Variants in MAD2L1 observed in about 807,000 individuals in gnomAD.
MAD2L1 encodes the protein mitotic arrest deficient 2 like 1.
A neutral mutation model predicts 25.9 loss-of-function variants in MAD2L1; 10 were observed. That is an observed-to-expected ratio of 0.39 (90% CI 0.24 to 0.66). MAD2L1 has a LOEUF of 0.66. MAD2L1 is among the 30% of genes least tolerant of loss of function. The pLI is 0.49. For synonymous variants in MAD2L1, 81 were observed against 91.8 expected (o/e 0.88, Z 0.67); for missense variants, 180 against 246.4 (o/e 0.73, Z 1.80).
intron 4 of MAD2L1, 41 bp downstream of exon 4, chr4:120,060,833 G>A (rs533798602): frequency 2.3e-6 from 3 of 1,303,106 alleles, no homozygotes; most frequent in Non-Finnish European, 3.3e-6. Flanking sequence ...TAGTCTTTTT[G>A]CCAATCAATT....
In MAD2L1 at chr4:120,056,211, T is replaced by C. The variant is rs1282692383; in HGVS notation, c.*3907A>G. 1.3e-5 allele frequency: 2 copies of C among 152,098 alleles called. No individual in the cohort carries two copies. The highest frequency in any genetic ancestry group is 1.5e-5 in the Non-Finnish European group (1 of 68,016). The allele number at this position is 152,098 out of a possible 1,614,324, so 9.4% of individuals were successfully genotyped here. On this transcript the variant is annotated 3_prime_UTR_variant, in exon 5 of 5. Transcript: ENST00000296509. ...CTAAACTTCAAAAACCACGACACAA[T>C]TTGCATGCCCATTGACCCCCAGTTT... is the stretch of plus-strand genomic sequence containing the variant.
chr4:120,065,445 A>G (rs1578461323), intron 2 of MAD2L1: 1 of 432,428 alleles, frequency 2.3e-6, no homozygotes, highest in African/African-American at 2.0e-5. Context: ...GTTGATGAAG[A>G]CTATTTTTTT....
rs1488563415 is a variant in MAD2L1 at position 120,060,121 on chromosome 4, G to A, written c.615C>T (p.Asp205=). The change falls in exon 5 of 5, where the codon GAC becomes GAT. Residue 205 remains aspartate, a synonymous_variant. Coordinates refer to ENST00000296509, the MANE Select transcript of MAD2L1 (RefSeq NM_002358.4). ...CATTATTTTCCTCATGTCATCCTCA[G>A]TCATTGACAGGAATTTTGTAGGCCA... is the stretch of plus-strand genomic sequence containing the variant. The part of the protein sequence containing the change: ...SMVAYKIPVN[D] 20 of 1,597,490 alleles carry A rather than the reference G, an allele frequency of 1.3e-5. No homozygotes were observed. Among genetic ancestry groups the A allele is most frequent in the Non-Finnish European group, 1.7e-5 (20 of 1,169,646 alleles).
intron 2 of MAD2L1, 34 bp from the exon 3 acceptor site, chr4:120,062,129 G>A (rs1279048629): frequency 7.5e-6 from 12 of 1,589,832 alleles, no homozygotes; most frequent in Non-Finnish European, 1.0e-5. Context: ...ATCTTTCTTG[G>A]TCCACTGCAT....
intron 1 of MAD2L1, 70 bp from the exon 2 acceptor site, chr4:120,065,888 G>C (rs961719081): frequency 1.3e-5 from 19 of 1,496,600 alleles, no homozygotes; most frequent in African/African-American, 8.3e-5. Context: ...AATATATTTA[G>C]ATGTTGCTAT....
At chr4:120,060,709 A>C (rs1030650792) in intron 4 of MAD2L1, among the ~76,000 whole-genome samples, 165 bp downstream of exon 4, 1 of 152,168 alleles carries the variant, frequency 6.6e-6, no homozygotes, top group Non-Finnish European at 1.5e-5. Flanking sequence ...CTCCCTGTGG[A>C]AAGGGAGACT....
In MAD2L1 at chr4:120,056,114, G is replaced by A. The variant is rs1358923074; in HGVS notation, c.*4004C>T. ...GAACTTCCTTGGCTAGGGATAGAAG[G>A]AAGAGATCACCTAAACTTCAAAAAC... On this transcript the variant is annotated 3_prime_UTR_variant, in exon 5 of 5. Transcript: ENST00000296509. The A allele has an allele frequency of 6.6e-6, 1 of 152,120 alleles. No individual in the cohort carries two copies. The highest frequency in any genetic ancestry group is 1.5e-5 in the Non-Finnish European group (1 of 68,006). The allele number at this position is 152,120 out of a possible 1,614,324, so 9.4% of individuals were successfully genotyped here.
At position 120,057,735 on chromosome 4, in the gene MAD2L1, A is replaced by C. The variant is rs1726134227; in HGVS notation, c.*2383T>G. 6.6e-6 allele frequency: 1 copy of C among 152,292 alleles called. No individual in the cohort carries two copies. The highest frequency in any genetic ancestry group is 1.5e-5 in the Non-Finnish European group (1 of 68,082). The allele number at this position is 152,292 out of a possible 1,614,324, so 9.4% of individuals were successfully genotyped here. A position where few individuals can be genotyped will look rare whatever the true frequency, so the allele number is the denominator to read the frequency against. On this transcript the variant is annotated 3_prime_UTR_variant, in exon 5 of 5. Transcript: ENST00000296509. The stretch of plus-strand genomic sequence containing the variant: ...ATTTAAACATCATCCTCCTGAGGTA[A>C]GCCTCAAGGTCTAGAAAGAGGATGG...
chr4:120,061,022 C>G, intron 3 of MAD2L1, 45 bp from the exon 4 acceptor site: 1 of 1,089,032 alleles, frequency 9.2e-7, no homozygotes, highest in Non-Finnish European at 1.4e-6. Flanking sequence ...CAGGTCTTAA[C>G]AAATTATTTC....
intron 3 of MAD2L1, 155 bp from the exon 4 acceptor site, chr4:120,061,132 T>C: frequency 1.8e-6 from 1 of 549,362 alleles, no homozygotes; most frequent in South Asian, 2.3e-5. Flanking sequence ...TGAGTGAAAG[T>C]ATCCTTCAGA....
chr4:120,064,464 G>C (rs57359658), intron 2 of MAD2L1, among the ~76,000 whole-genome samples: 9,345 of 152,202 alleles, frequency 0.061, 936 homozygotes, highest in African/African-American at 0.21. Flanking sequence ...ATAATACATG[G>C]AGGCATTTCT....
chr4:120,061,000 A>G, intron 3 of MAD2L1, 23 bp from the exon 4 acceptor site: 13 of 1,395,160 alleles, frequency 9.3e-6, no homozygotes, highest in Non-Finnish European at 1.2e-5. Flanking sequence ...AATCAAATCA[A>G]TTAATTCATT....
Position 120,060,004 on chromosome 4 carries a change from G to C in MAD2L1, c.*114C>G, listed in dbSNP as rs953060807. 5 of 950,382 alleles carry C rather than the reference G, an allele frequency of 5.3e-6. No homozygotes were observed. Among genetic ancestry groups the C allele is most frequent in the Non-Finnish European group, 7.8e-6 (5 of 641,406 alleles). 58.9% of individuals were successfully genotyped at this position (950,382 alleles called of 1,614,324 possible). A position where few individuals can be genotyped will look rare whatever the true frequency, so the allele number is the denominator to read the frequency against. ...ACACAGTTCAGTAAGTATCATTTTG[G>C]TTTTCTCCATGTAAAAATTAACCAA... On this transcript the variant is annotated 3_prime_UTR_variant, in exon 5 of 5. Coordinates refer to ENST00000296509, the MANE Select transcript of MAD2L1 (RefSeq NM_002358.4).
At chr4:120,062,544 A>G (rs966231822) in intron 2 of MAD2L1, among the ~76,000 whole-genome samples, 1 of 152,328 alleles carries the variant, frequency 6.6e-6, no homozygotes, top group South Asian at 2.1e-4. Context: ...AAAGGATACG[A>G]AAGAAGATAC....
chr4:120,062,972 G>A (rs970705026), intron 2 of MAD2L1, among the ~76,000 whole-genome samples: 1 of 152,168 alleles, frequency 6.6e-6, no homozygotes, highest in Non-Finnish European at 1.5e-5. Flanking sequence ...GTTTAGTCAC[G>A]ATAGTAAGGA....
chr4:120,064,288 G>A (rs1431368791), intron 2 of MAD2L1, among the ~76,000 whole-genome samples: 1 of 152,146 alleles, frequency 6.6e-6, no homozygotes, highest in Non-Finnish European at 1.5e-5. Context: ...ATGCAACTCT[G>A]GGAGAGGTGG....
Position 120,066,684 on chromosome 4 carries a change from G to T in MAD2L1, c.51C>A (p.Ala17=). 2 of 1,603,582 alleles carry T rather than the reference G, an allele frequency of 1.2e-6. No individual in the cohort carries two copies. The highest frequency in any genetic ancestry group is 1.7e-6 in the Non-Finnish European group (2 of 1,172,952). ...TACAGAAGAACTCGGCCACGATTTCGGCGCTCCCGCGCAGGGTGATTCCCT... is the reference window on the plus strand; with the variant it reads ...TACAGAAGAACTCGGCCACGATTTCTGCGCTCCCGCGCAGGGTGATTCCCT... ...REQGITLRGS[A]EIVAEFFSFG... is the part of the protein sequence containing the mutation. The change falls in exon 1 of 5, where the codon GCC becomes GCA. Residue 17 remains alanine, a synonymous_variant. Coordinates refer to ENST00000296509, the MANE Select transcript of MAD2L1 (RefSeq NM_002358.4).
In MAD2L1 at chr4:120,057,196, GAACTATT is replaced by G. The variant is rs1189083653; in HGVS notation, c.*2915_*2921del. ...AAGAGACCATATGCCTTCAAAAGCA[GAACTATT>G]TACTACCTGGCCATTTACAGAAAGT... On this transcript the variant is annotated 3_prime_UTR_variant, in exon 5 of 5. Transcript: ENST00000296509. 1 of 151,998 alleles carries G rather than the reference GAACTATT, an allele frequency of 6.6e-6. No homozygotes were observed. Among genetic ancestry groups the G allele is most frequent in the Admixed American group, 6.6e-5 (1 of 15,258 alleles). 9.4% of individuals were successfully genotyped at this position (151,998 alleles called of 1,614,324 possible). A position where few individuals can be genotyped will look rare whatever the true frequency, so the allele number is the denominator to read the frequency against.
chr4:120,066,815 G>A lies in MAD2L1; in HGVS notation c.-81C>T, dbSNP rs1726334737. 9.2e-7 allele frequency: 1 copy of A among 1,085,178 alleles called. No homozygotes were observed. Among genetic ancestry groups the A allele is most frequent in the Non-Finnish European group, 1.4e-6 (1 of 723,746 alleles). The allele number at this position is 1,085,178 out of a possible 1,614,324, so 67.2% of individuals were successfully genotyped here. On this transcript the variant is annotated 5_prime_UTR_variant, in exon 1 of 5. Coordinates refer to ENST00000296509, the MANE Select transcript of MAD2L1 (RefSeq NM_002358.4). ...GGCTCCAACAGCACTTCCCCGCCAA[G>A]CGTTTCAAAAGTAACGACGCAGCAC...
Sources: allele counts gnomAD v4.1 joint callset (sites outside exome capture counted in the v4.1 genomes callset), GRCh38; gene constraint gnomAD v4.1.1; transcripts MANE v1.5; gene names NCBI Gene and HGNC (gene_info 2026-07-23, HGNC 2026-07-21).